The following CBFA2T3 variants were observed in gnomAD, a reference collection of about 807,000 sequenced individuals.
CBFA2T3 encodes the protein CBFA2/RUNX1 partner transcriptional co-repressor 3, also known as transcriptional corepressor CBFA2T3.
CBFA2T3 carries 31 observed loss-of-function variants against 58.6 expected under a neutral mutation model. The observed-to-expected ratio is 0.53, with a 90% CI of 0.40 to 0.71. CBFA2T3 has a LOEUF of 0.71. Ranked by LOEUF, CBFA2T3 falls within the 30% of genes least tolerant of loss-of-function variation. The pLI, the probability that CBFA2T3 is intolerant of heterozygous loss-of-function variation, is 0.00. For missense variants in CBFA2T3, 1,076 were observed against 963.1 expected, an observed-to-expected ratio of 1.12 and a Z score of -1.55; for synonymous variants, 531 against 421.9, an observed-to-expected ratio of 1.26 and a Z score of -3.17.
intron 1 of CBFA2T3, among the ~76,000 whole-genome samples, chr16:88,922,994 C>T (rs1006026280): frequency 4.0e-5 from 6 of 151,708 alleles, no homozygotes; most frequent in Admixed American, 3.9e-4. Context: ...AGAGCTGGGA[C>T]CCGACCAGCT....
rs910100889 is a variant in CBFA2T3 at position 88,896,372 on chromosome 16, T to C, written c.379+1706A>G. Among the ~76,000 whole-genome samples the C allele has an allele frequency of 4.2e-4, 64 of 152,278 alleles. 1 individual carries two copies. The highest frequency in any genetic ancestry group is 3.7e-3 in the Admixed American group (56 of 15,302). On this transcript the variant is annotated intron_variant, in intron 3 of 11. Transcript: ENST00000268679. The stretch of plus-strand genomic sequence containing the variant: ...TTGAACGATCTTAGCAGCGCCTTCC[T>C]GGGCTCAGGATGGACGCACCGGCCC...
chr16:88,899,449 A>G (rs951588298), intron 2 of CBFA2T3, among the ~76,000 whole-genome samples: 10 of 152,224 alleles, frequency 6.6e-5, no homozygotes, highest in Non-Finnish European at 1.5e-4. Context: ...TATCTCTTTC[A>G]TAACCTTCAC....
chr16:88,914,162 G>A (rs971525746), intron 1 of CBFA2T3, among the ~76,000 whole-genome samples: 4 of 152,234 alleles, frequency 2.6e-5, no homozygotes, highest in Admixed American at 6.5e-5. Context: ...TCTCACAAAC[G>A]CGGTGGCCAG....
intron 1 of CBFA2T3, chr16:88,940,064 C>T (rs890972947): frequency 6.5e-6 from 1 of 152,870 alleles, no homozygotes; most frequent in Non-Finnish European, 1.5e-5. Context: ...TGGCTGGGGC[C>T]ACAAGCCTGA....
chr16:88,959,144 G>A (rs1379103384), intron 1 of CBFA2T3, among the ~76,000 whole-genome samples: 2 of 152,192 alleles, frequency 1.3e-5, no homozygotes, highest in Non-Finnish European at 2.9e-5. Context: ...TGAATCGTGT[G>A]CCCCCGTCCT....
intron 1 of CBFA2T3, chr16:88,937,225 T>TG (rs978498731): frequency 6.6e-6 from 1 of 152,234 alleles, no homozygotes; most frequent in African/African-American, 2.4e-5. Flanking sequence ...GGAAAGGATC[T>TG]GGGGTGTCGT....
intron 1 of CBFA2T3, among the ~76,000 whole-genome samples, chr16:88,903,987 C>T (rs1007349981): frequency 1.1e-4 from 17 of 152,242 alleles, no homozygotes; most frequent in East Asian, 1.9e-4. Context: ...GTAGGATGGA[C>T]GGACATGCCA....
intron 5 of CBFA2T3, among the ~76,000 whole-genome samples, chr16:88,890,985 T>C (rs1969607611): frequency 1.3e-5 from 2 of 152,176 alleles, no homozygotes; most frequent in African/African-American, 4.8e-5. Context: ...TCTTTAAAAA[T>C]GCAGGCTCTG....
chr16:88,904,487 C>T (rs1261043826), intron 1 of CBFA2T3, among the ~76,000 whole-genome samples: 1 of 152,234 alleles, frequency 6.6e-6, no homozygotes, highest in Non-Finnish European at 1.5e-5. Context: ...GGCAGGACTC[C>T]AAAGTCTCCG....
At chr16:88,880,613 G>A in intron 10 of CBFA2T3, 107 bp downstream of exon 10, 7 of 919,912 alleles carry the variant, frequency 7.6e-6, no homozygotes, top group Non-Finnish European at 1.2e-5. Context: ...TGTAGCCTGA[G>A]CCCCCAGAGA....
At chr16:88,921,901 C>A (rs1419288879) in intron 1 of CBFA2T3, among the ~76,000 whole-genome samples, 1 of 152,210 alleles carries the variant, frequency 6.6e-6, no homozygotes. Flanking sequence ...GGAATGGGGA[C>A]GCCTCACCCC....
rs1972885874 is a variant in CBFA2T3, at chr16:88,977,186, TTCCCTCGGGCCA to T, written c.-391_-380del. On this transcript the variant is annotated 5_prime_UTR_variant, in exon 1 of 12. An upstream start codon of the reference 5' UTR is lost. Transcript: ENST00000268679. ...ATCTGGGGCCCTGCCCTGCGCGGCC[TTCCCTCGGGCCA>T]TTCCGGTTTGACCTTCCAACAACTT... 3.7e-6 allele frequency: 1 copy of T among 269,550 alleles called. No individual in the cohort carries two copies. Among genetic ancestry groups the T allele is most frequent in the African/African-American group, 2.1e-5 (1 of 46,996 alleles). 16.7% of individuals were successfully genotyped at this position (269,550 alleles called of 1,614,324 possible).
In CBFA2T3 at chr16:88,903,168, T is replaced by A. The variant is rs1244836397; in HGVS notation, c.152-1512A>T. ...CACCCAGGGCCACGGCCACGCGGAC[T>A]CTGTGGAAGGTGACGGATAAATGAC... is the stretch of plus-strand genomic sequence containing the variant. On this transcript the variant is annotated intron_variant, in intron 1 of 11. Transcript: ENST00000268679. Among the ~76,000 whole-genome samples, 4 of 152,212 alleles carry A rather than the reference T, an allele frequency of 2.6e-5. No individual in the cohort carries two copies. The East Asian group carries it at 7.7e-4, about 29-fold the overall frequency.
chr16:88,894,249 C>G (rs1222582966), intron 3 of CBFA2T3, among the ~76,000 whole-genome samples: 7 of 33,774 alleles, frequency 2.1e-4, no homozygotes, highest in African/African-American at 9.9e-4. Flanking sequence ...CATACATATA[C>G]ACATGCACAC....
chr16:88,881,298 A>T lies in CBFA2T3; in HGVS notation c.1395T>A (p.Pro465=), dbSNP rs1233314873. ...PRSSSAGPEG[P]QLDVPREFLP... is the part of the protein sequence containing the mutation. Reference sequence around the variant, plus strand: ...CCCACACCCCACACGCACCTAGCTGAGGCCCTTCGGGACCGGCGGAGCTGC... The same window carrying T: ...CCCACACCCCACACGCACCTAGCTGTGGCCCTTCGGGACCGGCGGAGCTGC... The change falls in exon 9 of 12, where the codon CCT becomes CCA. Residue 465 remains proline (P), a synonymous_variant. Coordinates refer to ENST00000268679, the MANE Select transcript of CBFA2T3 (RefSeq NM_005187.6). 6.3e-7 allele frequency: 1 copy of T among 1,592,098 alleles called. No homozygotes were observed. The highest frequency in any genetic ancestry group is 1.7e-5 in the Admixed American group (1 of 58,942).
intron 5 of CBFA2T3, among the ~76,000 whole-genome samples, chr16:88,890,884 T>G (rs1266778606): frequency 4.6e-5 from 7 of 152,146 alleles, no homozygotes; most frequent in African/African-American, 1.7e-4. Context: ...CAGCTAATTT[T>G]TATATTTTTT....
chr16:88,890,870 C>A (rs1807227), intron 5 of CBFA2T3, among the ~76,000 whole-genome samples: 1 of 152,056 alleles, frequency 6.6e-6, no homozygotes, highest in Non-Finnish European at 1.5e-5. Flanking sequence ...GTGCATACAA[C>A]GCTCAGCTAA....
chr16:88,892,097 C>T (rs535524769), intron 4 of CBFA2T3, 126 bp from the exon 5 acceptor site: 2 of 1,354,562 alleles, frequency 1.5e-6, no homozygotes, highest in Admixed American at 3.6e-5. Context: ...CTGGGCACGG[C>T]CTGAGAGGGT....
chr16:88,975,120 G>GACCCTCTCTGCTCCTGACCTCCA (rs1567643739), intron 1 of CBFA2T3, among the ~76,000 whole-genome samples: 10 of 108,076 alleles, frequency 9.3e-5, no homozygotes, highest in East Asian at 9.7e-4. Flanking sequence ...AGGCCACCCT[G>GACCCTCTCTGCTCCTGACCTCCA]GCCCTCTGCT....
Sources: gnomAD v4.1 joint callset for allele counts (sites outside exome capture counted in the v4.1 genomes callset) on GRCh38, gnomAD v4.1.1 for gene constraint, MANE v1.5 for transcripts, NCBI Gene and HGNC (gene_info 2026-07-23, HGNC 2026-07-21) for gene names.